The following SNTG1 variants were observed in gnomAD, a reference collection of about 807,000 sequenced individuals.
SNTG1 encodes syntrophin gamma 1, also known as gamma-1-syntrophin.
A neutral mutation model predicts 74.7 loss-of-function variants in SNTG1; 39 were observed. That is an observed-to-expected ratio of 0.52 (90% CI 0.40 to 0.68). The LOEUF is 0.68. Among genes scored for constraint, SNTG1 ranks in the 30% least tolerant of loss-of-function variants. The probability of loss-of-function intolerance (pLI) is 0.00; values close to 1 mark genes in which losing one functional copy is unlikely to be tolerated. For missense variants in SNTG1, 685 were observed against 609.5 expected, an observed-to-expected ratio of 1.12 and a Z score of -1.30; for synonymous variants, 254 against 217.1, an observed-to-expected ratio of 1.17 and a Z score of -1.49.
chr8:50,028,105 G>A (rs1172719362), intron 1 of SNTG1, among the ~76,000 whole-genome samples: 1 of 152,082 alleles, frequency 6.6e-6, no homozygotes, highest in African/African-American at 2.4e-5. Flanking sequence ...CTAACAAAGA[G>A]TGTATATACA....
At chr8:50,279,982 A>T (rs2088345888) in intron 2 of SNTG1, among the ~76,000 whole-genome samples, 1 of 151,446 alleles carries the variant, frequency 6.6e-6, no homozygotes, top group African/African-American at 2.5e-5. Context: ...TATAGATGTA[A>T]ACTTCTCTTA....
chr8:50,559,395 A>G (rs983830006), intron 12 of SNTG1, among the ~76,000 whole-genome samples: 4 of 152,192 alleles, frequency 2.6e-5, no homozygotes, highest in Admixed American at 2.0e-4. Context: ...CTTCTAAATT[A>G]ACAAAGGAAT....
At chr8:50,792,633 T>C (rs973844436) in intron 18 of SNTG1, 38 bp from the exon 19 acceptor site, 31 of 1,557,862 alleles carry the variant, frequency 2.0e-5, no homozygotes, top group Non-Finnish European at 2.7e-5. Flanking sequence ...AAGACATTAA[T>C]TTTTATGTTA....
At chr8:50,476,854 A>G (rs1057148573) in intron 8 of SNTG1, among the ~76,000 whole-genome samples, 6 of 121,078 alleles carry the variant, frequency 5.0e-5, no homozygotes, top group African/African-American at 2.0e-4. Flanking sequence ...TGTGACACAC[A>G]CAGACACACA....
At chr8:50,125,649 T>G (rs2081114664) in intron 1 of SNTG1, among the ~76,000 whole-genome samples, 1 of 141,634 alleles carries the variant, frequency 7.1e-6, no homozygotes, top group African/African-American at 2.6e-5. Flanking sequence ...GTGCGAGCTC[T>G]GTGGATAGAA....
At chr8:50,599,980 T>C (rs2130923608) in intron 13 of SNTG1, among the ~76,000 whole-genome samples, 1 of 152,268 alleles carries the variant, frequency 6.6e-6, no homozygotes, top group East Asian at 1.9e-4. Context: ...TGAGATATGT[T>C]CCTTGTATTC....
chr8:50,614,988 G>A (rs1033064837), intron 13 of SNTG1, among the ~76,000 whole-genome samples: 41 of 150,682 alleles, frequency 2.7e-4, no homozygotes, highest in African/African-American at 1.0e-3. Flanking sequence ...TGTCGCCCAG[G>A]CTGGAGTACA....
At chr8:50,519,234 G>T (rs1337417776) in intron 9 of SNTG1, among the ~76,000 whole-genome samples, 2 of 152,052 alleles carry the variant, frequency 1.3e-5, no homozygotes, top group Non-Finnish European at 2.9e-5. Flanking sequence ...TGCAGAAAAG[G>T]CCTTCAATAA....
chr8:50,059,186 A>T (rs1171975838), intron 1 of SNTG1, among the ~76,000 whole-genome samples: 2 of 152,088 alleles, frequency 1.3e-5, no homozygotes, highest in East Asian at 3.9e-4. Context: ...TTTGGCTTTT[A>T]TGAATAAAGC....
intron 2 of SNTG1, among the ~76,000 whole-genome samples, chr8:50,294,601 T>C (rs2089277537): frequency 6.6e-6 from 1 of 152,166 alleles, no homozygotes; most frequent in Non-Finnish European, 1.5e-5. Context: ...AGTCTTTAGT[T>C]CTTTAGTTCT....
At chr8:50,431,299 G>A (rs1297629748) in intron 4 of SNTG1, among the ~76,000 whole-genome samples, 1 of 152,162 alleles carries the variant, frequency 6.6e-6, no homozygotes, top group African/African-American at 2.4e-5. Context: ...TGTAACAAAT[G>A]TTCCCCTCTG....
chr8:50,619,555 C>CTT (rs2094907233), intron 13 of SNTG1, among the ~76,000 whole-genome samples: 1 of 151,916 alleles, frequency 6.6e-6, no homozygotes, highest in South Asian at 2.1e-4. Context: ...CACGGTGAAA[C>CTT]TCTGTATCTA....
chr8:50,353,440 C>G (rs559707634), intron 2 of SNTG1, among the ~76,000 whole-genome samples: 3 of 152,158 alleles, frequency 2.0e-5, no homozygotes, highest in Non-Finnish European at 4.4e-5. Flanking sequence ...TTATCCTACT[C>G]ACTAAAATTA....
At chr8:50,307,936 G>C (rs2130726994) in intron 2 of SNTG1, among the ~76,000 whole-genome samples, 1 of 152,082 alleles carries the variant, frequency 6.6e-6, no homozygotes, top group Non-Finnish European at 1.5e-5. Flanking sequence ...GAGATGTCCT[G>C]GATCTGTTCT....
rs1022725314 is a variant in SNTG1, at chr8:50,089,471, C to T, written c.-102-83090C>T. Among the ~76,000 whole-genome samples the T allele has an allele frequency of 7.3e-4, 110 of 151,640 alleles. 2 individuals are homozygous for T. The highest frequency in any genetic ancestry group is 3.4e-3 in the Middle Eastern group (1 of 294). ...AACTACCATCAGAGTGAACAGGCAA[C>T]CTACAAAATGGGAGAAAATTTTTGC... On this transcript the variant is annotated intron_variant, in intron 1 of 18. Coordinates refer to ENST00000642720, the MANE Select transcript of SNTG1 (RefSeq NM_018967.5).
intron 1 of SNTG1, among the ~76,000 whole-genome samples, chr8:49,929,416 T>A (rs73569317): frequency 1.6e-3 from 246 of 152,208 alleles, no homozygotes; most frequent in Non-Finnish European, 2.7e-3. Context: ...GTGCAGGCCA[T>A]CCCTGATTTA....
chr8:50,474,982 G>A lies in SNTG1; in HGVS notation c.363+24253G>A, dbSNP rs535063336. ...CTGAGCAAACTATCGCAAGGACAAA[G>A]AACCAAACACCGCGTGTTCTCACTC... On this transcript the variant is annotated intron_variant, in intron 8 of 18. Transcript: ENST00000642720. Among the ~76,000 whole-genome samples, 9 of 148,296 alleles carry A rather than the reference G, an allele frequency of 6.1e-5. No homozygotes were observed. The South Asian group carries it at 1.7e-3, about 28-fold the overall frequency.
At chr8:50,341,162 C>T (rs1015171785) in intron 2 of SNTG1, among the ~76,000 whole-genome samples, 2 of 152,018 alleles carry the variant, frequency 1.3e-5, no homozygotes, top group Admixed American at 6.5e-5. Flanking sequence ...AGTACCAAGC[C>T]TCCTTAAAGG....
chr8:50,421,046 C>CGA (rs1347227317), intron 4 of SNTG1, among the ~76,000 whole-genome samples: 2 of 2,654 alleles, frequency 7.5e-4, no homozygotes, highest in Non-Finnish European at 1.6e-3. Context: ...AGGCGGTGGG[C>CGA]GGGGGAGGGG....
Sources: gnomAD v4.1 joint callset for allele counts (sites outside exome capture counted in the v4.1 genomes callset) on GRCh38, gnomAD v4.1.1 for gene constraint, MANE v1.5 for transcripts, NCBI Gene and HGNC (gene_info 2026-07-23, HGNC 2026-07-21) for gene names.